The following CHRM2 variants were observed in gnomAD, a reference collection of about 807,000 sequenced individuals.
CHRM2 encodes muscarinic acetylcholine receptor M2.
In CHRM2, 8 loss-of-function variants were observed where a neutral mutation model predicts 25.0. The observed-to-expected ratio is 0.32, with a 90% confidence interval of 0.19 to 0.58. The LOEUF is 0.58. CHRM2 is among the 20% of genes least tolerant of loss of function. The probability of loss-of-function intolerance (pLI) is 0.88; values close to 1 mark genes in which losing one functional copy is unlikely to be tolerated. For synonymous variants in CHRM2, 202 were observed against 205.7 expected, an observed-to-expected ratio of 0.98 and a Z score of 0.15; for missense variants, 440 against 567.1, an observed-to-expected ratio of 0.78 and a Z score of 2.28.
chr7:136,940,713 A>G (rs893622246), intron 2 of CHRM2, among the ~76,000 whole-genome samples: 5 of 152,240 alleles, frequency 3.3e-5, no homozygotes, highest in African/African-American at 1.2e-4. Context: ...CCAAACCACG[A>G]ACAAAAGCAT....
intron 2 of CHRM2, chr7:136,871,779 T>C (rs971501462): frequency 1.3e-5 from 2 of 152,214 alleles, no homozygotes; most frequent in Non-Finnish European, 2.9e-5. Flanking sequence ...TCGGCTGCAG[T>C]TCAGAAAGTG....
At chr7:136,883,955 T>C (rs1418218786) in intron 2 of CHRM2, among the ~76,000 whole-genome samples, 2 of 152,206 alleles carry the variant, frequency 1.3e-5, no homozygotes, top group African/African-American at 4.8e-5. Flanking sequence ...TTTCCAGATA[T>C]TCTGGAAATA....
At chr7:136,936,006 T>C (rs1799389627) in intron 2 of CHRM2, among the ~76,000 whole-genome samples, 1 of 152,108 alleles carries the variant, frequency 6.6e-6, no homozygotes, top group South Asian at 2.1e-4. Flanking sequence ...GGGAAAGTGG[T>C]GTTTAATTTA....
chr7:136,902,593 A>G (rs1797287359), intron 2 of CHRM2: 1 of 152,990 alleles, frequency 6.5e-6, no homozygotes, highest in Non-Finnish European at 1.5e-5. Context: ...AACTATAGTG[A>G]GAATGAAGCA....
Position 137,016,288 on chromosome 7 carries a change from A to C in CHRM2, c.*22A>C. ...GTAAAATATCTTTGAAAAAGATAGA[A>C]GGTGGGCAAGGGGAGCTTGAGAAGA... On this transcript the variant is annotated 3_prime_UTR_variant, in exon 4 of 4. Transcript: ENST00000680005. The C allele has an allele frequency of 6.2e-7, 1 of 1,604,918 alleles. No individual in the cohort carries two copies. The highest frequency in any genetic ancestry group is 8.5e-7 in the Non-Finnish European group (1 of 1,172,216).
chr7:136,957,255 ATGTGTG>A (rs10606389), intron 2 of CHRM2, among the ~76,000 whole-genome samples: 116 of 151,122 alleles, frequency 7.7e-4, no homozygotes, highest in African/African-American at 1.8e-3. Context: ...CATAGTGTAT[ATGTGTG>A]TGTGTGTGTG....
chr7:136,983,763 A>AGGCTGC (rs1802649624), intron 2 of CHRM2, among the ~76,000 whole-genome samples: 2 of 152,188 alleles, frequency 1.3e-5, no homozygotes, highest in Admixed American at 1.3e-4. Flanking sequence ...TCACCAGCAG[A>AGGCTGC]GGCTGCAGAA....
intron 2 of CHRM2, chr7:136,906,885 A>G (rs1326965662): frequency 6.6e-6 from 1 of 151,474 alleles, no homozygotes; most frequent in African/African-American, 2.4e-5. Context: ...TGTAATATAT[A>G]ATGAAATAAC....
chr7:136,991,918 T>C (rs138389729), intron 2 of CHRM2, among the ~76,000 whole-genome samples: 185 of 152,246 alleles, frequency 1.2e-3, no homozygotes, highest in African/African-American at 3.8e-3. Flanking sequence ...AGACCATGTT[T>C]CTCAGAGTCA....
intron 2 of CHRM2, among the ~76,000 whole-genome samples, chr7:136,911,081 C>T (rs1797818446): frequency 6.6e-6 from 1 of 151,842 alleles, no homozygotes; most frequent in Admixed American, 6.6e-5. Context: ...AACAGCCTTA[C>T]TGTATAATGA....
chr7:136,887,193 C>A (rs1238351068), intron 2 of CHRM2, among the ~76,000 whole-genome samples: 1 of 152,130 alleles, frequency 6.6e-6, no homozygotes, highest in Non-Finnish European at 1.5e-5. Context: ...CTATACTAAC[C>A]ATTTTATTAT....
chr7:136,897,488 C>G (rs1796967608), intron 2 of CHRM2, among the ~76,000 whole-genome samples: 1 of 152,080 alleles, frequency 6.6e-6, no homozygotes, highest in Non-Finnish European at 1.5e-5. Flanking sequence ...TAGTGACAAA[C>G]AGATGCAGAT....
chr7:137,008,858 C>G (rs1228466667), intron 3 of CHRM2, among the ~76,000 whole-genome samples: 4 of 151,868 alleles, frequency 2.6e-5, no homozygotes, highest in African/African-American at 9.7e-5. Context: ...CTTGACTTTT[C>G]TATTTCTTCT....
At chr7:136,933,041 AATAAATAC>A (rs987018758) in intron 2 of CHRM2, among the ~76,000 whole-genome samples, 7 of 111,924 alleles carry the variant, frequency 6.3e-5, no homozygotes, top group Non-Finnish European at 1.0e-4. Flanking sequence ...AAAATAAATA[AATAAATAC>A]ATAAATAAAT....
At chr7:136,959,024 G>T (rs956616462) in intron 2 of CHRM2, among the ~76,000 whole-genome samples, 6 of 152,130 alleles carry the variant, frequency 3.9e-5, no homozygotes, top group African/African-American at 1.4e-4. Context: ...AGATGGCTGA[G>T]AGGCTATTTT....
At chr7:137,005,487 ACT>A (rs746160933) in intron 3 of CHRM2, among the ~76,000 whole-genome samples, 1 of 151,934 alleles carries the variant, frequency 6.6e-6, no homozygotes, top group Non-Finnish European at 1.5e-5. Flanking sequence ...CTCTAATCTC[ACT>A]TATTCTTATC....
chr7:136,956,999 TC>T (rs914640525), intron 2 of CHRM2, among the ~76,000 whole-genome samples: 1 of 152,012 alleles, frequency 6.6e-6, no homozygotes, highest in African/African-American at 2.4e-5. Flanking sequence ...CTGGCGGGAC[TC>T]CCCCTACTCC....
chr7:137,013,228 A>G (rs750544544), intron 3 of CHRM2, among the ~76,000 whole-genome samples: 3 of 152,068 alleles, frequency 2.0e-5, no homozygotes, highest in Non-Finnish European at 4.4e-5. Flanking sequence ...ACAGTTACAT[A>G]TATTTTCCTT....
rs1795698073 is a variant in CHRM2, at chr7:136,868,792, A to ACACTC, written c.-480_-476dup. 1 of 152,092 alleles carries ACACTC rather than the reference A, an allele frequency of 6.6e-6. No individual in the cohort carries two copies. Among genetic ancestry groups the ACACTC allele is most frequent in the Non-Finnish European group, 1.5e-5 (1 of 68,216 alleles). 9.4% of individuals were successfully genotyped at this position (152,092 alleles called of 1,614,324 possible). A position where few individuals can be genotyped will look rare whatever the true frequency, so the allele number is the denominator to read the frequency against. Reference sequence around the variant, plus strand: ...CACACACAGACACACACACACTCACACACTCCAGGCTGCGGGTTGGCCAGA... The same window carrying ACACTC: ...CACACACAGACACACACACACTCACACACTCCACTCCAGGCTGCGGGTTGGCCAGA... On this transcript the variant is annotated 5_prime_UTR_variant, in exon 1 of 4. Transcript: ENST00000680005.
Sources: allele counts gnomAD v4.1 joint callset (sites outside exome capture counted in the v4.1 genomes callset), GRCh38; gene constraint gnomAD v4.1.1; transcripts MANE v1.5; gene names NCBI Gene and HGNC (gene_info 2026-07-23, HGNC 2026-07-21).